The following UGP2 variants were observed in gnomAD, a reference collection of about 807,000 sequenced individuals.
UGP2 encodes the protein UTP--glucose-1-phosphate uridylyltransferase.
Under a neutral mutation model 49.0 loss-of-function variants are expected in UGP2, and 40 were observed. The ratio of observed to expected loss-of-function variants is 0.82; its 90% CI spans 0.63 to 1.06. UGP2 has a LOEUF of 1.06. Among genes scored for constraint, UGP2 ranks in the 50% least tolerant of loss-of-function variants. UGP2 has a pLI of 0.00. For missense variants in UGP2, 460 were observed against 603.5 expected, an observed-to-expected ratio of 0.76 and a Z score of 2.49; for synonymous variants, 225 against 213.0, an observed-to-expected ratio of 1.06 and a Z score of -0.49.
chr2:63,858,025 A>G (rs1669568154), intron 3 of UGP2, 89 bp downstream of exon 3: 3 of 1,175,312 alleles, frequency 2.6e-6, no homozygotes, highest in Non-Finnish European at 2.5e-6. Context: ...GGGGACCTAT[A>G]ACAATCATGT....
At chr2:63,877,430 A>G (rs1469321812) in intron 3 of UGP2, among the ~76,000 whole-genome samples, 1 of 152,208 alleles carries the variant, frequency 6.6e-6, no homozygotes, top group Non-Finnish European at 1.5e-5. Context: ...TCACAAACTG[A>G]AGTTTTGTGC....
At chr2:63,843,977 C>T (rs1016297843) in intron 1 of UGP2, among the ~76,000 whole-genome samples, 2 of 152,182 alleles carry the variant, frequency 1.3e-5, no homozygotes, top group African/African-American at 2.4e-5. Context: ...TGCACTACAG[C>T]CTCAAGCCCC....
chr2:63,857,804 G>C, intron 2 of UGP2, 25 bp from the exon 3 acceptor site: 1 of 1,591,930 alleles, frequency 6.3e-7, no homozygotes, highest in Admixed American at 1.7e-5. Context: ...TCTGCTGGTT[G>C]TAACAATGAC....
At chr2:63,867,784 A>G (rs914565891) in intron 3 of UGP2, among the ~76,000 whole-genome samples, 2 of 152,214 alleles carry the variant, frequency 1.3e-5, no homozygotes, top group Non-Finnish European at 2.9e-5. Flanking sequence ...TAGAAGAACC[A>G]TATTTACATT....
rs1246762596 is a variant in UGP2, at chr2:63,886,014, T to C, written c.873+128T>C. 8.3e-6 allele frequency: 9 copies of C among 1,085,022 alleles called. No individual in the cohort carries two copies. In the East Asian group the frequency reaches 1.9e-4, roughly 23 times the overall value. The allele number at this position is 1,085,022 out of a possible 1,614,324, so 67.2% of individuals were successfully genotyped here. A position where few individuals can be genotyped will look rare whatever the true frequency, so the allele number is the denominator to read the frequency against. ...ATTTAATATGTTCTGTTTGACATAA[T>C]AGTATGTATCATAAATCCATAATAA... On this transcript the variant is annotated intron_variant, in intron 6 of 9. Transcript: ENST00000337130.
chr2:63,887,037 C>T (rs186149606), intron 7 of UGP2, among the ~76,000 whole-genome samples: 57 of 152,126 alleles, frequency 3.7e-4, no homozygotes, highest in African/African-American at 1.2e-3. Flanking sequence ...TTTGGGAGGC[C>T]GAGGCCGGCA....
intron 3 of UGP2, among the ~76,000 whole-genome samples, chr2:63,866,658 T>C (rs1303951523): frequency 6.6e-6 from 1 of 152,196 alleles, no homozygotes; most frequent in African/African-American, 2.4e-5. Context: ...GAACAGAACG[T>C]GCTCTAAGAA....
intron 5 of UGP2, among the ~76,000 whole-genome samples, chr2:63,884,784 C>G (rs1671544886): frequency 6.6e-6 from 1 of 151,996 alleles, no homozygotes; most frequent in African/African-American, 2.4e-5. Context: ...GTGGTGTGCC[C>G]TTGTAGCCCA....
At position 63,857,900 on chromosome 2, in the gene UGP2, G is replaced by A; in HGVS notation, c.219G>A (p.Val73=). ...TTTTGCAAGAAAAGGGGCCTTCTGT[G>A]GATTGGGGAAAAATCCAGAGACCCC... is the stretch of plus-strand genomic sequence containing the variant. ...HRFLQEKGPS[V]DWGKIQRPPE... Residue 73 remains valine, a synonymous_variant, in exon 3 of 10, where the codon GTG becomes GTA. Coordinates refer to ENST00000337130, the MANE Select transcript of UGP2 (RefSeq NM_006759.4). 6.2e-7 allele frequency: 1 copy of A among 1,614,038 alleles called. No individual in the cohort carries two copies. The highest frequency in any genetic ancestry group is 8.5e-7 in the Non-Finnish European group (1 of 1,179,966).
chr2:63,843,626 T>G (rs1671730278), intron 1 of UGP2, among the ~76,000 whole-genome samples: 1 of 152,254 alleles, frequency 6.6e-6, no homozygotes, highest in African/African-American at 2.4e-5. Context: ...AATGCCAACT[T>G]GTCCTCAGAA....
At chr2:63,890,298 T>TAGA in intron 9 of UGP2, 113 bp downstream of exon 9, 1 of 619,760 alleles carries the variant, frequency 1.6e-6, no homozygotes, top group Non-Finnish European at 2.7e-6. Flanking sequence ...AGTGCCACCT[T>TAGA]AATTACTAGT....
At chr2:63,871,875 C>T (rs1031851617) in intron 3 of UGP2, among the ~76,000 whole-genome samples, 3 of 152,152 alleles carry the variant, frequency 2.0e-5, no homozygotes, top group Non-Finnish European at 4.4e-5. Context: ...ATTATCAAAG[C>T]TTGGGTTTTT....
intron 3 of UGP2, among the ~76,000 whole-genome samples, chr2:63,880,340 A>G (rs1671218177): frequency 6.6e-6 from 1 of 151,694 alleles, no homozygotes; most frequent in African/African-American, 2.4e-5. Flanking sequence ...TGCCTGGCTA[A>G]TTTTTGTATT....
rs543379129 is a variant in UGP2, at chr2:63,884,322, C to G, written c.575+229C>G. Reference sequence around the variant, plus strand: ...GTCTGCTTGAGACTCTGTTCCATGTCCAGAATATTTGGGGATAGTTTAAGC... The same window carrying G: ...GTCTGCTTGAGACTCTGTTCCATGTGCAGAATATTTGGGGATAGTTTAAGC... On this transcript the variant is annotated intron_variant, in intron 5 of 9. Coordinates refer to ENST00000337130, the MANE Select transcript of UGP2 (RefSeq NM_006759.4). Among the ~76,000 whole-genome samples the G allele has an allele frequency of 2.6e-5, 4 of 152,288 alleles. No individual in the cohort carries two copies. The South Asian group carries it at 6.2e-4, about 24-fold the overall frequency.
intron 3 of UGP2, among the ~76,000 whole-genome samples, chr2:63,874,396 A>C (rs963160895): frequency 1.3e-5 from 2 of 152,244 alleles, no homozygotes; most frequent in African/African-American, 2.4e-5. Flanking sequence ...CATTGATCAC[A>C]TATGAGCAGG....
intron 1 of UGP2, among the ~76,000 whole-genome samples, chr2:63,847,327 A>G (rs968072944): frequency 3.3e-5 from 5 of 152,226 alleles, no homozygotes; most frequent in Non-Finnish European, 7.3e-5. Context: ...TAGATGAATT[A>G]TAGCAAGTTT....
At chr2:63,852,985 ATG>A (rs1280587098) in intron 1 of UGP2, among the ~76,000 whole-genome samples, 1 of 152,184 alleles carries the variant, frequency 6.6e-6, no homozygotes, top group African/African-American at 2.4e-5. Flanking sequence ...GAAGTAAAGA[ATG>A]TGATCCTGGA....
At position 63,873,680 on chromosome 2, in the gene UGP2, C is replaced by T. The variant is rs537022688; in HGVS notation, c.256-8786C>T. On this transcript the variant is annotated intron_variant, in intron 3 of 9. Coordinates refer to ENST00000337130, the MANE Select transcript of UGP2 (RefSeq NM_006759.4). ...GCAAGAGATGTGGTATGTTAGAGAA[C>T]CCAATGCTCCATGTTCCTGGAGCAG... Among the ~76,000 whole-genome samples the T allele has an allele frequency of 2.6e-4, 40 of 152,114 alleles. 2 individuals are homozygous for T. The highest frequency in any genetic ancestry group is 8.2e-4 in the African/African-American group (34 of 41,502).
chr2:63,866,895 A>G (rs1278064039), intron 3 of UGP2, among the ~76,000 whole-genome samples: 2 of 152,150 alleles, frequency 1.3e-5, no homozygotes, highest in Non-Finnish European at 1.5e-5. Flanking sequence ...TAAATTCCTC[A>G]GTGTGAAACC....
Sources: gnomAD v4.1 joint callset for allele counts (sites outside exome capture counted in the v4.1 genomes callset) on GRCh38, gnomAD v4.1.1 for gene constraint, MANE v1.5 for transcripts, NCBI Gene and HGNC (gene_info 2026-07-23, HGNC 2026-07-21) for gene names.